The following TMEM117 variants were observed in gnomAD, a reference collection of about 807,000 sequenced individuals.
TMEM117 encodes the protein transmembrane protein 117.
In TMEM117, 27 loss-of-function variants were observed where a neutral mutation model predicts 52.4. The ratio of observed to expected loss-of-function variants is 0.51; its 90% confidence interval spans 0.38 to 0.71. The LOEUF (loss-of-function observed/expected upper bound fraction) is 0.71, where lower values mean the gene tolerates loss of function less well. Among genes scored for constraint, TMEM117 ranks in the 30% least tolerant of loss-of-function variants. The pLI is 0.00. For synonymous variants in TMEM117, 215 were observed against 206.3 expected, an observed-to-expected ratio of 1.04 and a Z score of -0.36; for missense variants, 556 against 630.5, an observed-to-expected ratio of 0.88 and a Z score of 1.26.
chr12:44,353,872 A>G (rs185109077), intron 6 of TMEM117, among the ~76,000 whole-genome samples: 2,857 of 152,294 alleles, frequency 0.019, 55 homozygotes, highest in Non-Finnish European at 0.025. Flanking sequence ...CATTGAATCT[A>G]TAAATTACCT....
intron 5 of TMEM117, among the ~76,000 whole-genome samples, chr12:44,265,641 T>C (rs1056953552): frequency 1.3e-5 from 2 of 152,164 alleles, no homozygotes; most frequent in Non-Finnish European, 2.9e-5. Flanking sequence ...CATTTTAAAC[T>C]ATACAATTTA....
chr12:43,937,280 A>G (rs954572124), intron 2 of TMEM117, among the ~76,000 whole-genome samples: 1 of 152,202 alleles, frequency 6.6e-6, no homozygotes, highest in Non-Finnish European at 1.5e-5. Context: ...GAAATTTGAA[A>G]TAGATATTAA....
intron 3 of TMEM117, among the ~76,000 whole-genome samples, chr12:44,027,052 G>C (rs896905560): frequency 1.4e-5 from 2 of 147,500 alleles, no homozygotes; most frequent in South Asian, 4.4e-4. Flanking sequence ...CATTTCTTTG[G>C]TCTCTTTAAA....
Position 44,203,095 on chromosome 12 carries a change from T to TTTGTTGTTGTTGTTG in TMEM117, c.511-8183_511-8169dup, listed in dbSNP as rs58933565. Among the ~76,000 whole-genome samples the TTTGTTGTTGTTGTTG allele has an allele frequency of 5.7e-3, 856 of 151,500 alleles. 8 individuals are homozygous for TTTGTTGTTGTTGTTG. Among genetic ancestry groups the TTTGTTGTTGTTGTTG allele is most frequent in the East Asian group, 0.032 (164 of 5,166 alleles). On this transcript the variant is annotated intron_variant, in intron 4 of 7. Transcript: ENST00000266534. ...CAGGGGTGAGCCACCACACATGGCC[T>TTTGTTGTTGTTGTTG]TTGTTGTTGTTGTTGTTGTTGTTGT...
chr12:43,853,130 G>A (rs1251759701), intron 2 of TMEM117, among the ~76,000 whole-genome samples: 1 of 152,128 alleles, frequency 6.6e-6, no homozygotes, highest in African/African-American at 2.4e-5. Flanking sequence ...AGCTATACCC[G>A]AAACTCTATG....
intron 5 of TMEM117, among the ~76,000 whole-genome samples, chr12:44,285,280 G>A (rs1398860981): frequency 1.7e-4 from 26 of 152,254 alleles, no homozygotes; most frequent in East Asian, 1.9e-4. Context: ...TCTTGTTGAA[G>A]TAAAGAGATA....
At chr12:43,886,884 C>T (rs1370406568) in intron 2 of TMEM117, among the ~76,000 whole-genome samples, 1 of 152,098 alleles carries the variant, frequency 6.6e-6, no homozygotes, top group Non-Finnish European at 1.5e-5. Context: ...GTCTCTCTCT[C>T]TTGTCTAGAC....
chr12:44,252,225 G>T (rs541703681), intron 5 of TMEM117, among the ~76,000 whole-genome samples: 1 of 152,082 alleles, frequency 6.6e-6, no homozygotes, highest in Non-Finnish European at 1.5e-5. Context: ...TCAGCCTGTG[G>T]CCAGGCCCAG....
At chr12:44,355,074 G>C (rs965889239) in intron 6 of TMEM117, among the ~76,000 whole-genome samples, 1 of 151,952 alleles carries the variant, frequency 6.6e-6, no homozygotes, top group Admixed American at 6.6e-5. Flanking sequence ...ATGATATTCT[G>C]TTTTTATTAT....
At chr12:44,363,379 C>A (rs1951748263) in intron 6 of TMEM117, among the ~76,000 whole-genome samples, 1 of 152,086 alleles carries the variant, frequency 6.6e-6, no homozygotes, top group African/African-American at 2.4e-5. Flanking sequence ...AATTACAGTA[C>A]CCAGCTAGAA....
chr12:44,118,657 G>T (rs928897826), intron 3 of TMEM117, among the ~76,000 whole-genome samples: 13 of 152,172 alleles, frequency 8.5e-5, no homozygotes, highest in Admixed American at 3.9e-4. Context: ...AAGGATTTTT[G>T]TGTGTGTGTT....
At chr12:43,811,219 G>GAA in the TMEM117 span, among the ~76,000 whole-genome samples, 3 of 152,190 alleles carry the variant, frequency 2.0e-5, no homozygotes, top group African/African-American at 7.2e-5. Flanking sequence ...GAGTCTTCTT[G>GAA]AAAGGCTTCT....
intron 5 of TMEM117, among the ~76,000 whole-genome samples, chr12:44,276,898 GTGTGTGTGTA>G (rs1340444630): frequency 2.0e-5 from 3 of 148,356 alleles, no homozygotes; most frequent in Non-Finnish European, 3.0e-5. Context: ...GTTTGTGTGT[GTGTGTGTGTA>G]TGTGTGTGTG....
At chr12:44,099,345 G>A (rs1025997777) in intron 3 of TMEM117, among the ~76,000 whole-genome samples, 5 of 151,988 alleles carry the variant, frequency 3.3e-5, no homozygotes, top group Non-Finnish European at 7.4e-5. Flanking sequence ...TCTCTGTGAT[G>A]TTTTGATTTT....
chr12:44,092,523 C>T (rs1253348341), intron 3 of TMEM117, among the ~76,000 whole-genome samples: 1 of 152,076 alleles, frequency 6.6e-6, no homozygotes, highest in Non-Finnish European at 1.5e-5. Context: ...ACTTTTATTA[C>T]CATCTAGGGA....
At chr12:43,850,350 A>G (rs1943285078) in intron 2 of TMEM117, among the ~76,000 whole-genome samples, 1 of 152,152 alleles carries the variant, frequency 6.6e-6, no homozygotes, top group African/African-American at 2.4e-5. Context: ...CCACCAACAG[A>G]ATAAAAGCTA....
Position 43,849,841 on chromosome 12 carries a change from A to C in TMEM117, c.277+4913A>C, listed in dbSNP as rs142701932. On this transcript the variant is annotated intron_variant, in intron 2 of 7. Coordinates refer to ENST00000266534, the MANE Select transcript of TMEM117 (RefSeq NM_032256.3). The stretch of plus-strand genomic sequence containing the variant: ...TTGTCACCTCTCATTCTCTGATCCA[A>C]TTTCCTAATAAACTTTGAACTTGTC... 1.0e-3 allele frequency among the ~76,000 whole-genome samples: 156 copies of C among 152,208 alleles called. 1 individual carries two copies. Among genetic ancestry groups the C allele is most frequent in the African/African-American group, 2.7e-3 (113 of 41,526 alleles).
At chr12:43,841,996 C>G (rs564676609) in intron 1 of TMEM117, among the ~76,000 whole-genome samples, 20 of 152,252 alleles carry the variant, frequency 1.3e-4, no homozygotes, top group Admixed American at 1.2e-3. Context: ...AATAATACTC[C>G]TTTCTAGTTC....
At chr12:44,182,625 A>G (rs1452087986) in intron 4 of TMEM117, among the ~76,000 whole-genome samples, 1 of 152,190 alleles carries the variant, frequency 6.6e-6, no homozygotes, top group South Asian at 2.1e-4. Context: ...ACATCTTATC[A>G]TGTCTCTCTA....
Sources: allele counts gnomAD v4.1 joint callset (sites outside exome capture counted in the v4.1 genomes callset), GRCh38; gene constraint gnomAD v4.1.1; transcripts MANE v1.5; gene names NCBI Gene and HGNC (gene_info 2026-07-23, HGNC 2026-07-21).